The following FRMD4A variants were observed in gnomAD, a reference collection of about 807,000 sequenced individuals.
FRMD4A encodes the protein FERM domain containing 4A, also known as FERM domain-containing protein 4A.
Under a neutral mutation model 129.1 loss-of-function variants are expected in FRMD4A, and 29 were observed. That is an observed-to-expected ratio of 0.22 (90% CI 0.17 to 0.31). FRMD4A has a LOEUF of 0.31. Ranked by LOEUF, FRMD4A falls within the 10% of genes least tolerant of loss-of-function variation. The pLI is 1.00. For missense variants in FRMD4A, 1,272 were observed against 1,375.8 expected (o/e 0.92, Z 1.19); for synonymous variants, 634 against 571.6 (o/e 1.11, Z -1.56).
At chr10:14,302,089 G>T (rs879911676) in intron 2 of FRMD4A, among the ~76,000 whole-genome samples, 2 of 152,182 alleles carry the variant, frequency 1.3e-5, no homozygotes, top group Admixed American at 1.3e-4. Context: ...TTTGATTTTT[G>T]TATAGTGCAT....
At chr10:13,755,172 T>C (rs764659202) in intron 8 of FRMD4A, among the ~76,000 whole-genome samples, 1 of 152,234 alleles carries the variant, frequency 6.6e-6, no homozygotes, top group Non-Finnish European at 1.5e-5. Context: ...AAAAGTCTTT[T>C]AGAAGAAAAT....
At chr10:14,298,941 G>A (rs1434513155) in intron 2 of FRMD4A, among the ~76,000 whole-genome samples, 1 of 152,192 alleles carries the variant, frequency 6.6e-6, no homozygotes, top group Admixed American at 6.5e-5. Flanking sequence ...GGTGTTTTGA[G>A]ATCAAATTTT....
chr10:14,054,324 C>T (rs373654534), intron 2 of FRMD4A, among the ~76,000 whole-genome samples: 1 of 152,266 alleles, frequency 6.6e-6, no homozygotes, highest in East Asian at 1.9e-4. Flanking sequence ...GAGGTCACCT[C>T]CCCTGCCCCA....
intron 2 of FRMD4A, among the ~76,000 whole-genome samples, chr10:14,013,079 A>AGCTGGAG (rs1349162657): frequency 6.6e-5 from 10 of 152,090 alleles, no homozygotes; most frequent in Non-Finnish European, 1.2e-4. Flanking sequence ...AAGGATGGTG[A>AGCTGGAG]GCTGGAGAAA....
chr10:13,679,041 C>A, intron 15 of FRMD4A, among the ~76,000 whole-genome samples: 1 of 152,084 alleles, frequency 6.6e-6, no homozygotes, highest in East Asian at 1.9e-4. Context: ...TACAACAAAT[C>A]TCCCCCATCA....
intron 2 of FRMD4A, among the ~76,000 whole-genome samples, chr10:13,981,603 G>A (rs2095561095): frequency 1.3e-5 from 2 of 152,082 alleles, no homozygotes; most frequent in Non-Finnish European, 2.9e-5. Flanking sequence ...GCTGGGCATG[G>A]TGGTGGGTGC....
At chr10:13,915,008 G>A (rs984881650) in intron 2 of FRMD4A, among the ~76,000 whole-genome samples, 4 of 151,996 alleles carry the variant, frequency 2.6e-5, no homozygotes, top group South Asian at 2.1e-4. Context: ...AGTGGGACCT[G>A]GCCTCGAAAA....
intron 2 of FRMD4A, among the ~76,000 whole-genome samples, chr10:14,312,121 G>C (rs1191950491): frequency 6.6e-6 from 1 of 152,190 alleles, no homozygotes; most frequent in East Asian, 1.9e-4. Flanking sequence ...AAGTAAGAAA[G>C]AGCGGGGAGC....
chr10:13,988,793 C>T lies in FRMD4A; in HGVS notation c.46-129881G>A, dbSNP rs761989766. Among the ~76,000 whole-genome samples the T allele has an allele frequency of 1.0e-3, 156 of 152,084 alleles. 1 individual carries two copies. The highest frequency in any genetic ancestry group is 1.8e-3 in the Non-Finnish European group (123 of 67,956). On this transcript the variant is annotated intron_variant, in intron 2 of 24. Transcript: ENST00000357447. The stretch of plus-strand genomic sequence containing the variant: ...ATCCATCCGTCTATCTATCTATCTA[C>T]CTACCTACCTACCTACCTGAAACAA...
At chr10:13,934,883 G>A (rs1438064841) in intron 2 of FRMD4A, among the ~76,000 whole-genome samples, 4 of 152,146 alleles carry the variant, frequency 2.6e-5, no homozygotes, top group Admixed American at 2.6e-4. Flanking sequence ...ATTGCTAACA[G>A]TTCTGGGGGC....
chr10:13,929,744 G>C (rs1295338860), intron 2 of FRMD4A, among the ~76,000 whole-genome samples: 2 of 152,206 alleles, frequency 1.3e-5, no homozygotes, highest in Non-Finnish European at 2.9e-5. Context: ...CAGGCAACAT[G>C]GCAGTAGGCT....
chr10:14,079,970 C>G (rs1835832412), intron 2 of FRMD4A, among the ~76,000 whole-genome samples: 1 of 152,118 alleles, frequency 6.6e-6, no homozygotes, highest in African/African-American at 2.4e-5. Flanking sequence ...CCATTGCGCC[C>G]AACACCAAGC....
At chr10:13,843,280 A>T (rs913116671) in intron 3 of FRMD4A, among the ~76,000 whole-genome samples, 2 of 152,158 alleles carry the variant, frequency 1.3e-5, no homozygotes, top group Admixed American at 1.3e-4. Flanking sequence ...CTCAAGTGAC[A>T]CTGAGGCTGT....
At chr10:14,167,251 G>A (rs1489586700) in intron 2 of FRMD4A, among the ~76,000 whole-genome samples, 1 of 152,050 alleles carries the variant, frequency 6.6e-6, no homozygotes, top group African/African-American at 2.4e-5. Flanking sequence ...TAAGAACAGG[G>A]CCAGGCACAG....
chr10:13,880,108 CCT>C (rs1026645667), intron 2 of FRMD4A, among the ~76,000 whole-genome samples: 2 of 151,940 alleles, frequency 1.3e-5, no homozygotes, highest in African/African-American at 4.8e-5. Context: ...TGTGGTGTCC[CCT>C]GACCCAGGTT....
At chr10:14,102,800 T>C (rs984665410) in intron 2 of FRMD4A, among the ~76,000 whole-genome samples, 12 of 150,630 alleles carry the variant, frequency 8.0e-5, no homozygotes, top group African/African-American at 2.9e-4. Context: ...AGAAATGAAT[T>C]GCGAAGAGAA....
rs140859342 is a variant in FRMD4A at position 14,068,372 on chromosome 10, A to C, written c.46-209460T>G. ...AACTGCTAATACATATCAGATCCCC[A>C]ATATATATTTGCTTTCCTGTGAATT... On this transcript the variant is annotated intron_variant, in intron 2 of 24. Transcript: ENST00000357447. Among the ~76,000 whole-genome samples, 82 of 152,324 alleles carry C rather than the reference A, an allele frequency of 5.4e-4. 1 individual carries two copies. Among genetic ancestry groups the C allele is most frequent in the Admixed American group, 3.9e-3 (60 of 15,306 alleles).
intron 6 of FRMD4A, among the ~76,000 whole-genome samples, chr10:13,772,871 A>G (rs573749573): frequency 6.6e-5 from 10 of 152,306 alleles, no homozygotes; most frequent in Admixed American, 2.6e-4. Flanking sequence ...AGAATGAATA[A>G]GACCTAGTAT....
chr10:13,937,105 TG>T (rs1473637314), intron 2 of FRMD4A, among the ~76,000 whole-genome samples: 1 of 152,234 alleles, frequency 6.6e-6, no homozygotes, highest in Non-Finnish European at 1.5e-5. Flanking sequence ...AAATGTTCTC[TG>T]GGGGTGACAT....
Sources: gnomAD v4.1 joint callset for allele counts (sites outside exome capture counted in the v4.1 genomes callset) on GRCh38, gnomAD v4.1.1 for gene constraint, MANE v1.5 for transcripts, NCBI Gene and HGNC (gene_info 2026-07-23, HGNC 2026-07-21) for gene names.